ORC3: variants seen among roughly 807,000 people sequenced by gnomAD.
ORC3 encodes the protein homolog of latheo, Drosophila.
A neutral mutation model predicts 100.7 loss-of-function variants in ORC3; 78 were observed. That is an observed-to-expected ratio of 0.77 (90% CI 0.65 to 0.94). ORC3 has a LOEUF of 0.94. Among genes scored for constraint, ORC3 ranks in the 40% least tolerant of loss-of-function variants. The pLI is 0.00. For missense variants in ORC3, 789 were observed against 823.9 expected, an observed-to-expected ratio of 0.96 and a Z score of 0.52; for synonymous variants, 295 against 289.3, an observed-to-expected ratio of 1.02 and a Z score of -0.20.
intron 7 of ORC3, 59 bp downstream of exon 7, chr6:87,609,288 T>C: frequency 8.2e-7 from 1 of 1,215,242 alleles, no homozygotes; most frequent in Non-Finnish European, 1.1e-6. Context: ...AATACTACTT[T>C]TAACTTGAAA....
intron 1 of ORC3, among the ~76,000 whole-genome samples, chr6:87,593,403 C>T (rs946879599): frequency 1.6e-4 from 24 of 152,230 alleles, no homozygotes; most frequent in South Asian, 6.2e-4. Context: ...TAAACAACTA[C>T]GATATACAAT....
chr6:87,665,700 G>T (rs938456919), intron 18 of ORC3, 54 bp from the exon 19 acceptor site: 4 of 999,042 alleles, frequency 4.0e-6, no homozygotes, highest in Non-Finnish European at 6.3e-6. Flanking sequence ...TATAGTAAAA[G>T]ATGTTTGGCA....
intron 9 of ORC3, among the ~76,000 whole-genome samples, chr6:87,618,228 G>A (rs1436186245): frequency 6.6e-6 from 1 of 152,096 alleles, no homozygotes; most frequent in Non-Finnish European, 1.5e-5. Flanking sequence ...GGCCAACATG[G>A]TGAAACCCTG....
At chr6:87,624,586 A>G (rs564032266) in intron 11 of ORC3, among the ~76,000 whole-genome samples, 63 of 152,234 alleles carry the variant, frequency 4.1e-4, no homozygotes, top group Non-Finnish European at 7.5e-4. Flanking sequence ...GTAAAAATAC[A>G]TGACAATAAT....
chr6:87,654,965 G>A (rs1045208150), intron 14 of ORC3, among the ~76,000 whole-genome samples: 7 of 152,126 alleles, frequency 4.6e-5, no homozygotes, highest in African/African-American at 1.7e-4. Context: ...AAAGAATAAA[G>A]AATTTTACAA....
chr6:87,603,403 A>G lies in ORC3; in HGVS notation c.197A>G (p.Asn66Ser), dbSNP rs1391308656. 14 of 1,507,122 alleles carry G rather than the reference A, an allele frequency of 9.3e-6. 1 individual carries two copies. In the Admixed American group the frequency reaches 2.2e-4, roughly 24 times the overall value. The allele number at this position is 1,507,122 out of a possible 1,614,324, so 93.4% of individuals were successfully genotyped here. A position where few individuals can be genotyped will look rare whatever the true frequency, so the allele number is the denominator to read the frequency against. ...TTGTAGCGACTACAAGAGGAATTAA[A>G]TAAAAACTTGTTTGACAATCTGATT... ...SENERLQEEL[N>S]KNLFDNLIEF... is the part of the protein sequence containing the mutation. The change falls in exon 4 of 20, where the codon AAT (asparagine) becomes AGT (serine). Residue 66 changes from asparagine to serine, a missense_variant. Physicochemically the swap from Asn to Ser is conservative, Grantham distance 46. This residue lies in a region of ORC3 where 399 missense variants were observed against 382.0 expected (regional missense o/e 1.04). Transcript: ENST00000392844.
chr6:87,617,900 G>A (rs560486450), intron 9 of ORC3, among the ~76,000 whole-genome samples: 28 of 152,156 alleles, frequency 1.8e-4, no homozygotes, highest in African/African-American at 6.7e-4. Flanking sequence ...GGTTTCTTTG[G>A]CTAATATGTA....
intron 11 of ORC3, among the ~76,000 whole-genome samples, chr6:87,626,749 T>TG: frequency 6.7e-6 from 1 of 149,126 alleles, no homozygotes; most frequent in Non-Finnish European, 1.5e-5. Flanking sequence ...ACAGCGCCAC[T>TG]GCACTCCAGC....
chr6:87,651,268 C>T, intron 13 of ORC3: 1 of 456,310 alleles, frequency 2.2e-6, no homozygotes, highest in Non-Finnish European at 4.4e-6. Context: ...CCTTCACATG[C>T]TGCTAACTTG....
chr6:87,622,003 G>A lies in ORC3; in HGVS notation c.1175G>A (p.Arg392Lys), dbSNP rs758883003. ...EKQVALLTNE[R>K]YLKEETQLLL... ...CAAGTTGCGCTCTTGACCAATGAGA[G>A]ATATTTGAAGGTAGGAATGTGAATG... is the stretch of plus-strand genomic sequence containing the variant. The change falls in exon 11 of 20, where the codon AGA becomes AAA. Residue 392 changes from arginine (R) to lysine (K), a missense_variant. Arg to Lys is a conservative substitution (Grantham distance 26, BLOSUM62 2). Transcript: ENST00000392844. The A allele has an allele frequency of 2.5e-6, 4 of 1,604,642 alleles. No homozygotes were observed. Among genetic ancestry groups the A allele is most frequent in the Admixed American group, 3.4e-5 (2 of 59,576 alleles).
At chr6:87,635,238 T>G (rs2128278162) in intron 12 of ORC3, among the ~76,000 whole-genome samples, 2 of 152,360 alleles carry the variant, frequency 1.3e-5, no homozygotes, top group Middle Eastern at 3.4e-3. Flanking sequence ...TCTTTAACAC[T>G]TCCTTGTCAC....
chr6:87,636,211 C>T (rs1038418997), intron 12 of ORC3, among the ~76,000 whole-genome samples, 196 bp from the exon 13 acceptor site: 2 of 152,122 alleles, frequency 1.3e-5, no homozygotes, highest in Non-Finnish European at 2.9e-5. Context: ...GGATTACAGG[C>T]GTGAGCCACC....
chr6:87,639,953 C>G lies in ORC3; in HGVS notation c.1382+3467C>G, dbSNP rs540621584. ...CAAAGGTTGCCCTGAGCTGAGATCG[C>G]ACCACTTCACTCCAGCCTGGGTGAC... On this transcript the variant is annotated intron_variant, in intron 13 of 19. Transcript: ENST00000392844. Among the ~76,000 whole-genome samples, 7 of 151,944 alleles carry G rather than the reference C, an allele frequency of 4.6e-5. No individual in the cohort carries two copies. In the South Asian group the frequency reaches 1.5e-3, roughly 32 times the overall value.
chr6:87,614,525 A>G (rs546387679), intron 8 of ORC3, among the ~76,000 whole-genome samples: 1 of 152,186 alleles, frequency 6.6e-6, no homozygotes, highest in South Asian at 2.1e-4. Flanking sequence ...TTTCTATCTC[A>G]TTGTCAGGCT....
chr6:87,594,322 G>T, intron 1 of ORC3, 31 bp from the exon 2 acceptor site: 1 of 1,536,066 alleles, frequency 6.5e-7, no homozygotes, highest in Non-Finnish European at 8.9e-7. Context: ...TGGCTACTTT[G>T]ACTTTATGCT....
intron 1 of ORC3, among the ~76,000 whole-genome samples, chr6:87,590,629 A>G (rs1437803030): frequency 6.6e-6 from 1 of 152,204 alleles, no homozygotes; most frequent in Non-Finnish European, 1.5e-5. Flanking sequence ...TAGGCAGACA[A>G]CAGAAGAGTG....
chr6:87,619,133 G>A (rs1779364402), intron 9 of ORC3, among the ~76,000 whole-genome samples: 2 of 152,278 alleles, frequency 1.3e-5, no homozygotes, highest in East Asian at 3.9e-4. Flanking sequence ...GTAAAACTGA[G>A]CAGTAGAAAA....
chr6:87,656,018 G>A (rs1490060250), intron 14 of ORC3, among the ~76,000 whole-genome samples: 1 of 152,204 alleles, frequency 6.6e-6, no homozygotes, highest in East Asian at 1.9e-4. Flanking sequence ...AACAAACCAT[G>A]TGTGTGGGGT....
chr6:87,639,004 C>T (rs1003666348), intron 13 of ORC3, among the ~76,000 whole-genome samples: 3 of 151,742 alleles, frequency 2.0e-5, no homozygotes, highest in Non-Finnish European at 4.4e-5. Context: ...TACCTTGTTT[C>T]ATGCAGAAAA....
Sources: gnomAD v4.1 joint callset for allele counts (sites outside exome capture counted in the v4.1 genomes callset) on GRCh38, gnomAD v4.1.1 for gene constraint, gnomAD v4.1.1 regional missense constraint, MANE v1.5 for transcripts, NCBI Gene and HGNC (gene_info 2026-07-23, HGNC 2026-07-21) for gene names.